The following RBFOX1 variants were observed in gnomAD, a reference collection of about 807,000 sequenced individuals.
The protein encoded by RBFOX1 is RNA binding fox-1 homolog 1.
A neutral mutation model predicts 57.7 loss-of-function variants in RBFOX1; 8 were observed. That is an observed-to-expected ratio of 0.14 (90% confidence interval 0.08 to 0.25). RBFOX1 has a LOEUF of 0.25. RBFOX1 is among the 10% of genes least tolerant of loss of function. RBFOX1 has a pLI of 1.00. For missense variants in RBFOX1, 611 were observed against 548.5 expected (o/e 1.11, Z -1.14); for synonymous variants, 326 against 222.4 (o/e 1.47, Z -4.15).
At position 6,765,024 on chromosome 16, in the gene RBFOX1, A is replaced by G. The variant is rs567228207; in HGVS notation, c.-16+110374A>G. Among the ~76,000 whole-genome samples, 20 of 129,702 alleles carry G rather than the reference A, an allele frequency of 1.5e-4. 1 individual carries two copies. The South Asian group carries it at 4.4e-3, about 28-fold the overall frequency. The allele number at this position is 129,702 out of a possible 152,430, so 85.1% of individuals were successfully genotyped here. A position where few individuals can be genotyped will look rare whatever the true frequency, so the allele number is the denominator to read the frequency against. ...TGTGTGTGTTGGCTAAGGTTTTCAG[A>G]AAAAAAAAAATTCATGGTGACATGA... On this transcript the variant is annotated intron_variant, in intron 3 of 15. Coordinates refer to ENST00000550418, the MANE Select transcript of RBFOX1 (RefSeq NM_018723.4).
At chr16:6,952,825 A>T (rs960837714) in intron 3 of RBFOX1, among the ~76,000 whole-genome samples, 2 of 151,946 alleles carry the variant, frequency 1.3e-5, no homozygotes, top group African/African-American at 4.8e-5. Context: ...AAATACAAAA[A>T]TTAGCTGGGT....
chr16:6,526,004 C>G (rs1013128987), intron 2 of RBFOX1, among the ~76,000 whole-genome samples: 3 of 152,086 alleles, frequency 2.0e-5, no homozygotes, highest in Non-Finnish European at 4.4e-5. Context: ...CCAAGATATC[C>G]AGTATGAGAT....
chr16:7,519,865 G>T (rs2077149140), intron 5 of RBFOX1: 1 of 392,196 alleles, frequency 2.5e-6, no homozygotes, highest in Non-Finnish European at 3.5e-6. Context: ...TTGGAGGCTA[G>T]TTTTGACGTT....
chr16:5,461,709 A>G (rs2151595885), intron 1 of RBFOX1, among the ~76,000 whole-genome samples: 1 of 152,260 alleles, frequency 6.6e-6, no homozygotes, highest in East Asian at 1.9e-4. Context: ...GGCAGAACCT[A>G]ATGAAACAGT....
intron 1 of RBFOX1, among the ~76,000 whole-genome samples, chr16:6,094,913 A>T (rs1452454263): frequency 6.6e-6 from 1 of 152,178 alleles, no homozygotes; most frequent in Non-Finnish European, 1.5e-5. Flanking sequence ...TGCAAAAGTT[A>T]CTAAGGGATG....
intron 2 of RBFOX1, among the ~76,000 whole-genome samples, chr16:6,460,476 C>T (rs1012925840): frequency 5.9e-5 from 9 of 151,392 alleles, no homozygotes; most frequent in African/African-American, 1.5e-4. Context: ...AACATACATG[C>T]GGCCAAACAT....
chr16:6,025,863 C>T (rs1159699442), intron 1 of RBFOX1, among the ~76,000 whole-genome samples: 1 of 152,176 alleles, frequency 6.6e-6, no homozygotes, highest in African/African-American at 2.4e-5. Flanking sequence ...TCTCTTTATC[C>T]ACAATACTGG....
chr16:7,471,467 A>T (rs951872163), intron 4 of RBFOX1, among the ~76,000 whole-genome samples: 3 of 152,176 alleles, frequency 2.0e-5, no homozygotes, highest in Admixed American at 2.0e-4. Context: ...TATTGCTGTC[A>T]GTCATTTAGT....
chr16:7,398,330 A>C (rs2098176817), intron 4 of RBFOX1, among the ~76,000 whole-genome samples: 1 of 152,308 alleles, frequency 6.6e-6, no homozygotes, highest in Non-Finnish European at 1.5e-5. Flanking sequence ...CACTTTCTTC[A>C]TCTGTAAGAT....
chr16:5,853,531 G>A (rs2056948734), intron 3 of RBFOX1, among the ~76,000 whole-genome samples: 1 of 152,164 alleles, frequency 6.6e-6, no homozygotes, highest in African/African-American at 2.4e-5. Flanking sequence ...CACAGACCCT[G>A]ACTTGGAGAT....
intron 1 of RBFOX1, among the ~76,000 whole-genome samples, chr16:5,312,564 C>T (rs2064121001): frequency 6.6e-6 from 1 of 152,216 alleles, no homozygotes; most frequent in South Asian, 2.1e-4. Flanking sequence ...ATCCACCTGC[C>T]TCAGCCTCCC....
At chr16:5,989,333 A>G (rs2060345499) in intron 4 of RBFOX1, among the ~76,000 whole-genome samples, 2 of 152,228 alleles carry the variant, frequency 1.3e-5, no homozygotes, top group East Asian at 3.9e-4. Flanking sequence ...TCTGTCTGAA[A>G]AAAACAGAAC....
At chr16:6,971,060 T>C (rs1327780225) in intron 3 of RBFOX1, among the ~76,000 whole-genome samples, 1 of 152,184 alleles carries the variant, frequency 6.6e-6, no homozygotes, top group Admixed American at 6.5e-5. Flanking sequence ...CAAGACATAA[T>C]GATGAAAAGG....
At chr16:6,876,616 A>C (rs371831886) in intron 3 of RBFOX1, among the ~76,000 whole-genome samples, 1 of 152,182 alleles carries the variant, frequency 6.6e-6, no homozygotes. Flanking sequence ...CTAGAGTAAA[A>C]GACTTGTATC....
At chr16:6,872,758 G>GC (rs1326147830) in intron 3 of RBFOX1, among the ~76,000 whole-genome samples, 4 of 152,010 alleles carry the variant, frequency 2.6e-5, no homozygotes, top group Non-Finnish European at 5.9e-5. Flanking sequence ...AGTTAAAAGT[G>GC]CAAAAAAATA....
intron 4 of RBFOX1, among the ~76,000 whole-genome samples, chr16:7,072,062 T>G (rs2057446629): frequency 6.6e-6 from 1 of 152,172 alleles, no homozygotes; most frequent in Non-Finnish European, 1.5e-5. Context: ...TCAATAGCAT[T>G]CCAACTTTCT....
chr16:6,087,417 A>G (rs529917937), intron 1 of RBFOX1, among the ~76,000 whole-genome samples: 3 of 152,258 alleles, frequency 2.0e-5, no homozygotes, highest in South Asian at 2.1e-4. Context: ...TCAGAATTCA[A>G]CTGTGATTCC....
At chr16:6,805,518 G>T (rs1195401147) in intron 3 of RBFOX1, among the ~76,000 whole-genome samples, 1 of 152,080 alleles carries the variant, frequency 6.6e-6, no homozygotes, top group Admixed American at 6.5e-5. Flanking sequence ...ACCTGTACAT[G>T]TACCTCTGAG....
At chr16:6,671,940 G>A (rs755013600) in intron 3 of RBFOX1, among the ~76,000 whole-genome samples, 2 of 152,228 alleles carry the variant, frequency 1.3e-5, no homozygotes, top group Non-Finnish European at 2.9e-5. Context: ...CGACTACTAA[G>A]TAGATAGGAT....
Sources: allele counts gnomAD v4.1 joint callset (sites outside exome capture counted in the v4.1 genomes callset), GRCh38; gene constraint gnomAD v4.1.1; transcripts MANE v1.5; gene names NCBI Gene and HGNC (gene_info 2026-07-23, HGNC 2026-07-21).